The following ZBTB7C variants were observed in gnomAD, a reference collection of about 807,000 sequenced individuals.
The protein encoded by ZBTB7C is zinc finger and BTB domain containing 7C.
ZBTB7C carries 8 observed loss-of-function variants against 25.7 expected under a neutral mutation model. The ratio of observed to expected loss-of-function variants is 0.31; its 90% CI spans 0.18 to 0.56. The LOEUF (loss-of-function observed/expected upper bound fraction) is 0.56. Ranked by LOEUF, ZBTB7C falls within the 20% of genes least tolerant of loss-of-function variation. The pLI is 0.91. For missense variants in ZBTB7C, 824 were observed against 855.2 expected (o/e 0.96, Z 0.46); for synonymous variants, 394 against 369.0 (o/e 1.07, Z -0.78).
At chr18:48,409,743 G>T (rs1390812094), upstream of ZBTB7C, among the ~76,000 whole-genome samples, 3 of 149,926 alleles carry the variant, frequency 2.0e-5, no homozygotes, top group South Asian at 2.1e-4. Context: ...GAGGCGGAGT[G>T]GGGGGGCCGG....
chr18:48,344,332 A>T (rs2046675982), intron 1 of ZBTB7C, among the ~76,000 whole-genome samples: 1 of 152,188 alleles, frequency 6.6e-6, no homozygotes, highest in Non-Finnish European at 1.5e-5. Flanking sequence ...CGTGCTTATG[A>T]ATCACCTGGG....
intron 1 of ZBTB7C, among the ~76,000 whole-genome samples, chr18:48,355,410 T>C (rs987283865): frequency 6.6e-6 from 1 of 152,194 alleles, no homozygotes; most frequent in Admixed American, 6.5e-5. Context: ...TGCTGTTGAT[T>C]TGTTCCCAGT....
chr18:48,139,321 C>T (rs1343806735), intron 3 of ZBTB7C, among the ~76,000 whole-genome samples: 2 of 152,094 alleles, frequency 1.3e-5, no homozygotes, highest in Admixed American at 1.3e-4. Flanking sequence ...GGAGAGAGTG[C>T]AGGGCAGAGC....
At chr18:48,043,612 C>T (rs758650195) in intron 3 of ZBTB7C, among the ~76,000 whole-genome samples, 17 of 152,022 alleles carry the variant, frequency 1.1e-4, no homozygotes, top group Non-Finnish European at 5.9e-5. Flanking sequence ...GTGGGTGTGG[C>T]TATAAAAGGG....
intron 2 of ZBTB7C, among the ~76,000 whole-genome samples, chr18:48,204,509 G>C (rs2042533695): frequency 6.6e-6 from 1 of 152,170 alleles, no homozygotes; most frequent in Admixed American, 6.5e-5. Flanking sequence ...TGGAAAGCCT[G>C]ATAGCTTTCC....
At chr18:48,300,318 C>T (rs1294456169) in intron 2 of ZBTB7C, among the ~76,000 whole-genome samples, 2 of 152,140 alleles carry the variant, frequency 1.3e-5, no homozygotes, top group African/African-American at 4.8e-5. Context: ...TCAATCATCT[C>T]CCCCAGGCAG....
rs745853148 is a variant in ZBTB7C, at chr18:48,040,228, TCTCCTC to T, written c.874_879del (p.Glu292_Glu293del). On this transcript the variant is annotated inframe_deletion, in exon 4 of 5. Transcript: ENST00000590800. ...GGTGGGGGTGGGGGCAGCTCCTCCT[TCTCCTC>T]CTCCTTGATCTTCCGATTCTTGATG... is the stretch of plus-strand genomic sequence containing the variant. 1 of 1,569,514 alleles carries T rather than the reference TCTCCTC, an allele frequency of 6.4e-7. No individual in the cohort carries two copies. Among genetic ancestry groups the T allele is most frequent in the South Asian group, 1.2e-5 (1 of 82,692 alleles).
At chr18:48,204,123 A>G (rs765894139) in intron 2 of ZBTB7C, among the ~76,000 whole-genome samples, 7 of 151,474 alleles carry the variant, frequency 4.6e-5, no homozygotes, top group Non-Finnish European at 1.0e-4. Context: ...CATTCCTTCC[A>G]CCTCTGATTT....
At chr18:48,137,139 C>A (rs1365110981) in intron 3 of ZBTB7C, 2 of 985,430 alleles carry the variant, frequency 2.0e-6, no homozygotes, top group East Asian at 1.1e-4. Flanking sequence ...GTCATTGATT[C>A]GTGCTGGGCG....
intron 2 of ZBTB7C, among the ~76,000 whole-genome samples, chr18:48,304,868 G>A (rs964372361): frequency 7.7e-6 from 1 of 130,010 alleles, no homozygotes; most frequent in Non-Finnish European, 1.7e-5. Flanking sequence ...AAAAAAGATA[G>A]CCTTGTTAGA....
At chr18:48,280,848 CTTTTTTTTTTTTT>C (rs55760047) in intron 2 of ZBTB7C, among the ~76,000 whole-genome samples, 6 of 79,892 alleles carry the variant, frequency 7.5e-5, no homozygotes, top group African/African-American at 2.4e-4. Flanking sequence ...TTTTCTCTCT[CTTTTTTTTTTTTT>C]TTTTTTTTTT....
chr18:48,247,776 GT>G (rs1445206055), intron 2 of ZBTB7C, among the ~76,000 whole-genome samples: 1 of 152,196 alleles, frequency 6.6e-6, no homozygotes, highest in Non-Finnish European at 1.5e-5. Context: ...ATGACAGTGA[GT>G]TCTCACGAGA....
At chr18:48,410,384 G>A (rs1282402024), upstream of ZBTB7C, among the ~76,000 whole-genome samples, 1 of 152,184 alleles carries the variant, frequency 6.6e-6, no homozygotes, top group African/African-American at 2.4e-5. Context: ...GGCCTGGAAG[G>A]CGGCCTTCCG....
intron 2 of ZBTB7C, among the ~76,000 whole-genome samples, chr18:48,250,707 C>T (rs937993137): frequency 6.6e-6 from 1 of 151,960 alleles, no homozygotes; most frequent in Non-Finnish European, 1.5e-5. Context: ...GAGATTAAGA[C>T]CTCTTCTGGG....
At chr18:48,077,002 C>A (rs1339534608) in intron 3 of ZBTB7C, 1 of 984,446 alleles carries the variant, frequency 1.0e-6, no homozygotes, top group African/African-American at 1.8e-5. Flanking sequence ...CACCTAAGTT[C>A]CCTTCCAGCA....
rs2038083003 is a variant in ZBTB7C, at chr18:48,083,844, A to T, written c.-16-42721T>A. 2 of 985,270 alleles carry T rather than the reference A, an allele frequency of 2.0e-6. 1 individual carries two copies. The highest frequency in any genetic ancestry group is 9.4e-5 in the South Asian group (2 of 21,290). The allele number at this position is 985,270 out of a possible 1,614,324, so 61.0% of individuals were successfully genotyped here. A position where few individuals can be genotyped will look rare whatever the true frequency, so the allele number is the denominator to read the frequency against. On this transcript the variant is annotated intron_variant, in intron 3 of 4. Coordinates refer to ENST00000590800, the MANE Select transcript of ZBTB7C (RefSeq NM_001318841.2). The stretch of plus-strand genomic sequence containing the variant: ...CCTTATTTTAGCAACCCATATTAGG[A>T]ACTTACTTTCCCCTCCTATCTTGTC...
At chr18:48,364,558 C>T (rs1182331248) in intron 1 of ZBTB7C, among the ~76,000 whole-genome samples, 1 of 152,078 alleles carries the variant, frequency 6.6e-6, no homozygotes, top group Non-Finnish European at 1.5e-5. Flanking sequence ...CATGAAGAGG[C>T]CGTATAGGAG....
rs542518173 is a variant in ZBTB7C, at chr18:48,327,604, A to C, written c.-79+10570T>G. 2.4e-3 allele frequency among the ~76,000 whole-genome samples: 361 copies of C among 152,262 alleles called. 3 individuals carry two copies. Among genetic ancestry groups the C allele is most frequent in the African/African-American group, 8.5e-3 (352 of 41,564 alleles). On this transcript the variant is annotated intron_variant, in intron 2 of 4. Coordinates refer to ENST00000590800, the MANE Select transcript of ZBTB7C (RefSeq NM_001318841.2). ...CCTAGTGCCAAAGCTCTGGGGGTAC[A>C]ATGCCCCACAACCTGGCATTGCTAA...
chr18:48,086,455 C>T (rs1476671624), intron 3 of ZBTB7C, among the ~76,000 whole-genome samples: 3 of 152,142 alleles, frequency 2.0e-5, no homozygotes, highest in African/African-American at 7.2e-5. Context: ...CCCCATGTTC[C>T]ATAATCTAGA....
Sources: gnomAD v4.1 joint callset for allele counts (sites outside exome capture counted in the v4.1 genomes callset) on GRCh38, gnomAD v4.1.1 for gene constraint, MANE v1.5 for transcripts, NCBI Gene and HGNC (gene_info 2026-07-23, HGNC 2026-07-21) for gene names.